The following CPAMD8 variants were observed in gnomAD, a reference collection of about 807,000 sequenced individuals.
The protein encoded by CPAMD8 is C3 and PZP-like alpha-2-macroglobulin domain-containing protein 8.
CPAMD8 carries 146 observed loss-of-function variants against 224.7 expected under a neutral mutation model. The ratio of observed to expected loss-of-function variants is 0.65; its 90% CI spans 0.57 to 0.75. The LOEUF (loss-of-function observed/expected upper bound fraction) is 0.75, where lower values mean the gene tolerates loss of function less well. CPAMD8 is among the 30% of genes least tolerant of loss of function. CPAMD8 has a pLI of 0.00. For missense variants in CPAMD8, 2,301 were observed against 2,537.5 expected (o/e 0.91, Z 2.00); for synonymous variants, 966 against 1,044.6 (o/e 0.92, Z 1.45).
rs1599661626 is a variant in CPAMD8, at chr19:16,904,151, A to T, written c.4251+75T>A. On this transcript the variant is annotated intron_variant, in intron 32 of 41. Coordinates refer to ENST00000443236, the MANE Select transcript of CPAMD8 (RefSeq NM_015692.5). Reference sequence around the variant, plus strand: ...AGGGGCCAGACTGCCTGGCCACCTCAGAGCTCAAAACAAGGACTGCAGGGA... The same window carrying T: ...AGGGGCCAGACTGCCTGGCCACCTCTGAGCTCAAAACAAGGACTGCAGGGA... 2.3e-5 allele frequency: 34 copies of T among 1,472,784 alleles called. No individual in the cohort carries two copies. The East Asian group carries it at 8.3e-4, about 36-fold the overall frequency. The allele number at this position is 1,472,784 out of a possible 1,614,324, so 91.2% of individuals were successfully genotyped here. A position where few individuals can be genotyped will look rare whatever the true frequency, so the allele number is the denominator to read the frequency against.
chr19:16,902,598 G>C (rs375227628), intron 35 of CPAMD8, 51 bp downstream of exon 35: 1 of 1,208,054 alleles, frequency 8.3e-7, no homozygotes, highest in Non-Finnish European at 1.2e-6. Context: ...CATCCTCTCC[G>C]CACATTGCAC....
chr19:16,965,083 A>G (rs1041638565), intron 18 of CPAMD8, among the ~76,000 whole-genome samples: 3 of 152,098 alleles, frequency 2.0e-5, no homozygotes, highest in Non-Finnish European at 4.4e-5. Context: ...ACACGGTGAT[A>G]CCCTGTCTCT....
chr19:16,929,445 C>A (rs1202901304), intron 23 of CPAMD8, among the ~76,000 whole-genome samples: 1 of 152,202 alleles, frequency 6.6e-6, no homozygotes, highest in Non-Finnish European at 1.5e-5. Context: ...TAGCTGACAC[C>A]TGTAATCCCA....
chr19:16,894,914 T>C (rs2051898407), intron 41 of CPAMD8: 1 of 167,284 alleles, frequency 6.0e-6, no homozygotes, highest in Admixed American at 6.8e-5. Context: ...AGAGACCCCA[T>C]CTCTACAACA....
intron 22 of CPAMD8, among the ~76,000 whole-genome samples, chr19:16,943,032 G>C (rs2053956917): frequency 7.0e-6 from 1 of 142,052 alleles, no homozygotes; most frequent in Admixed American, 7.3e-5. Flanking sequence ...TTTTGAGACA[G>C]GGTCTGGCTC....
intron 23 of CPAMD8, among the ~76,000 whole-genome samples, chr19:16,937,296 G>A (rs137886101): frequency 6.6e-6 from 1 of 152,040 alleles, no homozygotes; most frequent in Admixed American, 6.6e-5. Context: ...CACCACGTCT[G>A]GCTAAGTTTT....
intron 18 of CPAMD8, among the ~76,000 whole-genome samples, chr19:16,962,974 T>C (rs1443884379): frequency 6.6e-6 from 1 of 152,100 alleles, no homozygotes; most frequent in Non-Finnish European, 1.5e-5. Context: ...ATAAAATCCT[T>C]TACAGACAAG....
chr19:16,897,870 TGCGGGCGC>T lies in CPAMD8; in HGVS notation c.4954+11_4954+18del. 1 of 1,591,744 alleles carries T rather than the reference TGCGGGCGC, an allele frequency of 6.3e-7. No homozygotes were observed. On this transcript the variant is annotated intron_variant, in intron 38 of 41. Coordinates refer to ENST00000443236, the MANE Select transcript of CPAMD8 (RefSeq NM_015692.5). ...GTCAGGGACCGGGCCGGGCCGGGGG[TGCGGGCGC>T]GCGGGCCTACCGGGTTCGTAGTAGT... is the stretch of plus-strand genomic sequence containing the variant.
chr19:16,981,183 A>G (rs1409084547), intron 13 of CPAMD8, among the ~76,000 whole-genome samples: 1 of 151,892 alleles, frequency 6.6e-6, no homozygotes, highest in Non-Finnish European at 1.5e-5. Context: ...TGAGACCCCC[A>G]TCTCTACAAA....
At chr19:16,977,274 T>G (rs2055311145) in intron 15 of CPAMD8, 94 bp downstream of exon 15, 1 of 747,772 alleles carries the variant, frequency 1.3e-6, no homozygotes, top group African/African-American at 1.8e-5. Flanking sequence ...CGACACAACA[T>G]GAGTCTCAGG....
intron 2 of CPAMD8, 61 bp from the exon 3 acceptor site, chr19:17,020,414 A>G (rs753143587): frequency 2.5e-5 from 31 of 1,227,498 alleles, no homozygotes; most frequent in Non-Finnish European, 3.6e-5. Flanking sequence ...TGCCTCCCTG[A>G]GCTGCAGCCT....
Position 16,898,689 on chromosome 19 carries a change from G to C in CPAMD8, c.4849-695C>G, listed in dbSNP as rs1174881989. On this transcript the variant is annotated intron_variant, in intron 37 of 41. Coordinates refer to ENST00000443236, the MANE Select transcript of CPAMD8 (RefSeq NM_015692.5). The surrounding 1 kb of genome is among the most constrained non-coding windows in gnomAD (Gnocchi z 4.2). ...CTGTTCTGGGCATTTCATGTCAATG[G>C]AATCATGTACTCTGTGGCCTTTTGT... is the stretch of plus-strand genomic sequence containing the variant. 6.6e-6 allele frequency among the ~76,000 whole-genome samples: 1 copy of C among 152,054 alleles called. No individual in the cohort carries two copies. The highest frequency in any genetic ancestry group is 6.6e-5 in the Admixed American group (1 of 15,262).
At chr19:16,970,235 T>C (rs2055008557) in intron 18 of CPAMD8, among the ~76,000 whole-genome samples, 1 of 43,278 alleles carries the variant, frequency 2.3e-5, no homozygotes, top group Admixed American at 2.5e-4. Context: ...CAAGACTCTG[T>C]CTCAAAAAAA....
chr19:16,902,780 C>T lies in CPAMD8; in HGVS notation c.4554G>A (p.Gln1518=), dbSNP rs2052314233. Residue 1518 remains glutamine (Q), a synonymous_variant, in exon 35 of 42, where the codon CAG becomes CAA. Coordinates refer to ENST00000443236, the MANE Select transcript of CPAMD8 (RefSeq NM_015692.5). The part of the protein sequence containing the change: ...LLVSLQEPEA[Q]GRPPPMPASA... The stretch of plus-strand genomic sequence containing the variant: ...AGGCAGGCATGGGGGGCGGGCGTCC[C>T]TGGGCCTCAGGCTCCTGGAGGCTTA... 1 of 1,590,986 alleles carries T rather than the reference C, an allele frequency of 6.3e-7. No individual in the cohort carries two copies. Among genetic ancestry groups the T allele is most frequent in the Non-Finnish European group, 8.6e-7 (1 of 1,164,782 alleles).
intron 8 of CPAMD8, among the ~76,000 whole-genome samples, chr19:17,003,454 T>C (rs775829869): frequency 6.6e-6 from 1 of 151,650 alleles, no homozygotes; most frequent in African/African-American, 2.4e-5. Flanking sequence ...AGCCTCAGCT[T>C]CCCAAAGTGT....
chr19:16,955,251 T>C (rs113539641), intron 19 of CPAMD8, among the ~76,000 whole-genome samples: 28,594 of 150,054 alleles, frequency 0.19, 2,947 homozygotes, highest in Admixed American at 0.25. Flanking sequence ...GCCGAGATTG[T>C]GCCACTGCAC....
At chr19:16,920,603 C>G (rs1209315633) in intron 27 of CPAMD8, among the ~76,000 whole-genome samples, 2 of 152,132 alleles carry the variant, frequency 1.3e-5, no homozygotes, top group Non-Finnish European at 2.9e-5. Context: ...CGCCTGTAAT[C>G]CCAGCACTTT....
intron 19 of CPAMD8, among the ~76,000 whole-genome samples, chr19:16,953,339 CAAAAA>C (rs80093904): frequency 6.4e-5 from 6 of 94,398 alleles, no homozygotes; most frequent in Non-Finnish European, 1.3e-4. Flanking sequence ...AAGGTACAAG[CAAAAA>C]AAAAAAAAAA....
intron 5 of CPAMD8, 117 bp from the exon 6 acceptor site, chr19:17,009,437 G>A (rs2056587364): frequency 6.4e-7 from 1 of 1,552,866 alleles, no homozygotes; most frequent in African/African-American, 1.4e-5. Flanking sequence ...GGGTTAAACA[G>A]TGTCCCCCTA....
Sources: allele counts gnomAD v4.1 joint callset (sites outside exome capture counted in the v4.1 genomes callset), GRCh38; gene constraint gnomAD v4.1.1; non-coding constraint Gnocchi (gnomAD v3.1); transcripts MANE v1.5; gene names NCBI Gene and HGNC (gene_info 2026-07-23, HGNC 2026-07-21).